SCN3A: variants seen among roughly 807,000 people sequenced by gnomAD.
SCN3A encodes the protein sodium voltage-gated channel alpha subunit 3, also known as sodium channel protein type 3 subunit alpha.
SCN3A carries 60 observed loss-of-function variants against 187.6 expected under a neutral mutation model. That is an observed-to-expected ratio of 0.32 (90% CI 0.26 to 0.40). The LOEUF (loss-of-function observed/expected upper bound fraction) is 0.40. Among genes scored for constraint, SCN3A ranks in the 10% least tolerant of loss-of-function variants. SCN3A has a pLI of 1.00. For synonymous variants in SCN3A, 788 were observed against 829.2 expected (o/e 0.95, Z 0.85); for missense variants, 1,601 against 2,428.2 (o/e 0.66, Z 7.16).
chr2:165,158,263 TACA>T (rs1451520275), intron 9 of SCN3A, among the ~76,000 whole-genome samples: 2 of 95,164 alleles, frequency 2.1e-5, no homozygotes, highest in Non-Finnish European at 3.7e-5. Context: ...CCTTTAGTCT[TACA>T]GACTCCACTC....
intron 19 of SCN3A, among the ~76,000 whole-genome samples, chr2:165,114,663 T>C (rs769585216): frequency 6.6e-6 from 1 of 152,234 alleles, no homozygotes; most frequent in Non-Finnish European, 1.5e-5. Flanking sequence ...AGAACAGCTA[T>C]TGCTTTCCCT....
At chr2:165,116,610 G>A (rs1686378841) in intron 18 of SCN3A, among the ~76,000 whole-genome samples, 1 of 152,134 alleles carries the variant, frequency 6.6e-6, no homozygotes, top group Admixed American at 6.5e-5. Flanking sequence ...TTCTGAAAGA[G>A]TTACTGTGTT....
chr2:165,196,497 G>A (rs1045457669), intron 1 of SCN3A, among the ~76,000 whole-genome samples: 1 of 152,002 alleles, frequency 6.6e-6, no homozygotes, highest in African/African-American at 2.4e-5. Context: ...AAAGACTTTA[G>A]GATATAATCT....
chr2:165,115,718 T>A (rs1385828996), intron 18 of SCN3A, 143 bp from the exon 19 acceptor site: 1 of 823,430 alleles, frequency 1.2e-6, no homozygotes, highest in African/African-American at 1.7e-5. Flanking sequence ...GTACTAATAA[T>A]TTAACATAAA....
intron 17 of SCN3A, among the ~76,000 whole-genome samples, chr2:165,129,052 T>A (rs1687160707): frequency 6.6e-6 from 1 of 152,200 alleles, no homozygotes; most frequent in Admixed American, 6.5e-5. Context: ...TACTTCTGTA[T>A]CAGATTTTTT....
intron 18 of SCN3A, among the ~76,000 whole-genome samples, chr2:165,119,514 A>G (rs2105732282): frequency 6.6e-6 from 1 of 152,266 alleles, no homozygotes; most frequent in African/African-American, 2.4e-5. Context: ...AGCATTTTAA[A>G]TTGTATACAT....
intron 15 of SCN3A, among the ~76,000 whole-genome samples, chr2:165,136,913 A>G (rs1216290523): frequency 1.3e-5 from 2 of 152,116 alleles, no homozygotes; most frequent in Non-Finnish European, 1.5e-5. Context: ...ATGATTCCTC[A>G]GGACTGCCAT....
At chr2:165,175,950 T>C (rs1191859106) in intron 3 of SCN3A, among the ~76,000 whole-genome samples, 181 bp downstream of exon 3, 1 of 152,188 alleles carries the variant, frequency 6.6e-6, no homozygotes, top group Non-Finnish European at 1.5e-5. Flanking sequence ...TAACCAACTC[T>C]TGACTTCATT....
chr2:165,150,751 T>G (rs1016205315), intron 11 of SCN3A, among the ~76,000 whole-genome samples: 1 of 152,158 alleles, frequency 6.6e-6, no homozygotes, highest in Non-Finnish European at 1.5e-5. Context: ...ATGGCTGCAT[T>G]TTAGAATAAA....
chr2:165,136,833 G>A (rs549284616), intron 15 of SCN3A, among the ~76,000 whole-genome samples: 3 of 152,266 alleles, frequency 2.0e-5, no homozygotes, highest in African/African-American at 4.8e-5. Context: ...TCACTTATTA[G>A]GGCACACAAT....
intron 9 of SCN3A, among the ~76,000 whole-genome samples, chr2:165,156,464 T>G (rs1484309790): frequency 1.7e-4 from 22 of 130,332 alleles, no homozygotes; most frequent in Admixed American, 1.2e-3. Flanking sequence ...AGTGAGCCGA[T>G]ATTGTGCCAT....
rs1435977031 is a variant in SCN3A, at chr2:165,089,192, A to T, written c.*958T>A. The T allele has an allele frequency of 2.6e-5, 4 of 152,620 alleles. No individual in the cohort carries two copies. The highest frequency in any genetic ancestry group is 9.6e-5 in the African/African-American group (4 of 41,452). 9.5% of individuals were successfully genotyped at this position (152,620 alleles called of 1,614,324 possible). A position where few individuals can be genotyped will look rare whatever the true frequency, so the allele number is the denominator to read the frequency against. On this transcript the variant is annotated 3_prime_UTR_variant, in exon 28 of 28. Transcript: ENST00000283254. ...ATAGAAGTTGTTTATCAGGCTATAT[A>T]TATATTTGCCCAAACATGCACCACA...
chr2:165,160,750 T>A (rs1021299942), intron 9 of SCN3A, among the ~76,000 whole-genome samples: 4 of 151,280 alleles, frequency 2.6e-5, no homozygotes, highest in African/African-American at 9.8e-5. Context: ...AAGAGATTAT[T>A]GTGCCTCAGC....
At chr2:165,164,270 C>T in intron 6 of SCN3A, 122 bp downstream of exon 6, 3 of 1,232,028 alleles carry the variant, frequency 2.4e-6, no homozygotes, top group Admixed American at 1.9e-5. Flanking sequence ...TTAAAATACA[C>T]AATCCATATA....
chr2:165,189,784 C>A (rs1026087245), intron 1 of SCN3A, among the ~76,000 whole-genome samples: 4 of 152,042 alleles, frequency 2.6e-5, no homozygotes, highest in African/African-American at 9.7e-5. Context: ...CTTACTATGG[C>A]TCCATTATTT....
intron 2 of SCN3A, among the ~76,000 whole-genome samples, chr2:165,184,500 G>GAA (rs66514310): frequency 1.8e-4 from 19 of 105,602 alleles, no homozygotes; most frequent in African/African-American, 6.3e-4. Context: ...AAAAAAAAAA[G>GAA]AAAAAAAAAA....
chr2:165,108,834 A>G (rs980758144), intron 21 of SCN3A, among the ~76,000 whole-genome samples: 9 of 152,124 alleles, frequency 5.9e-5, no homozygotes, highest in African/African-American at 2.2e-4. Flanking sequence ...AGAAGAAAAG[A>G]ATTGTACAGA....
intron 16 of SCN3A, 58 bp from the exon 17 acceptor site, chr2:165,130,354 T>C (rs935844028): frequency 6.4e-7 from 1 of 1,559,040 alleles, no homozygotes; most frequent in African/African-American, 1.4e-5. Context: ...TTAGACATTA[T>C]TTTATTAGTA....
chr2:165,188,991 A>T (rs115743013), intron 1 of SCN3A, among the ~76,000 whole-genome samples: 1,725 of 152,138 alleles, frequency 0.011, 28 homozygotes, highest in Middle Eastern at 0.041. Flanking sequence ...AGAAAGGATG[A>T]ACTAAAGGAA....
Sources: gnomAD v4.1 joint callset for allele counts (sites outside exome capture counted in the v4.1 genomes callset) on GRCh38, gnomAD v4.1.1 for gene constraint, MANE v1.5 for transcripts, NCBI Gene and HGNC (gene_info 2026-07-23, HGNC 2026-07-21) for gene names.